Variants in AKAP6 observed in about 807,000 individuals in gnomAD.
AKAP6 encodes the protein A-kinase anchoring protein 6, also known as A-kinase anchor protein 6.
In AKAP6, 58 loss-of-function variants were observed where a neutral mutation model predicts 188.5. The ratio of observed to expected loss-of-function variants is 0.31; its 90% CI spans 0.25 to 0.38. The LOEUF (loss-of-function observed/expected upper bound fraction) is 0.38, where lower values mean the gene tolerates loss of function less well. AKAP6 is among the 10% of genes least tolerant of loss of function. The pLI is 1.00. For missense variants in AKAP6, 2,710 were observed against 2,740.0 expected, an observed-to-expected ratio of 0.99 and a Z score of 0.24; for synonymous variants, 989 against 998.6, an observed-to-expected ratio of 0.99 and a Z score of 0.18.
At chr14:32,488,561 C>G (rs976482589) in intron 2 of AKAP6, among the ~76,000 whole-genome samples, 4 of 152,118 alleles carry the variant, frequency 2.6e-5, no homozygotes, top group African/African-American at 7.2e-5. Flanking sequence ...ACTGGGGTTC[C>G]AGGCACCACT....
chr14:32,342,526 C>A (rs1386247133), intron 1 of AKAP6, among the ~76,000 whole-genome samples: 1 of 152,160 alleles, frequency 6.6e-6, no homozygotes, highest in Non-Finnish European at 1.5e-5. Context: ...TCCTGCCTTC[C>A]CTTTCTCTAA....
At chr14:32,423,875 T>C (rs1209164962) in intron 1 of AKAP6, among the ~76,000 whole-genome samples, 1 of 152,192 alleles carries the variant, frequency 6.6e-6, no homozygotes, top group East Asian at 1.9e-4. Context: ...TCTATAATGC[T>C]AAGATTGTGA....
chr14:32,369,639 C>T (rs1887945180), intron 1 of AKAP6, among the ~76,000 whole-genome samples: 1 of 152,188 alleles, frequency 6.6e-6, no homozygotes, highest in Non-Finnish European at 1.5e-5. Flanking sequence ...TTTTCCTCAA[C>T]AGGTGAGGGA....
intron 2 of AKAP6, among the ~76,000 whole-genome samples, chr14:32,510,441 TATATATATAC>T (rs1467637701): frequency 0.12 from 3,362 of 27,070 alleles, 188 homozygotes; most frequent in African/African-American, 0.27. Context: ...TATATGTGTA[TATATATATAC>T]ATATATATGT....
At chr14:32,422,001 C>G (rs529920410) in intron 1 of AKAP6, among the ~76,000 whole-genome samples, 36 of 152,272 alleles carry the variant, frequency 2.4e-4, no homozygotes, top group African/African-American at 8.7e-4. Flanking sequence ...TCCAGAGACC[C>G]TGTGATTCAT....
intron 7 of AKAP6, among the ~76,000 whole-genome samples, chr14:32,607,722 A>G (rs1310554922): frequency 6.6e-6 from 1 of 152,182 alleles, no homozygotes; most frequent in Non-Finnish European, 1.5e-5. Flanking sequence ...TTGAAATGGA[A>G]TGGGGTTCTT....
At chr14:32,545,105 C>T (rs1465113724) in intron 3 of AKAP6, 125 bp from the exon 4 acceptor site, 8 of 873,670 alleles carry the variant, frequency 9.2e-6, no homozygotes, top group East Asian at 5.1e-5. Context: ...GTATGTCAAA[C>T]CACAAGCAAT....
chr14:32,331,513 CTCTTTTT>C (rs1192251645), intron 1 of AKAP6, among the ~76,000 whole-genome samples: 53 of 152,168 alleles, frequency 3.5e-4, no homozygotes, highest in African/African-American at 1.2e-3. Context: ...TGCTTTTGTG[CTCTTTTT>C]GCTCCAGGAG....
chr14:32,626,895 C>CTT (rs535688824), intron 7 of AKAP6, among the ~76,000 whole-genome samples: 104 of 152,264 alleles, frequency 6.8e-4, no homozygotes, highest in Non-Finnish European at 1.1e-3. Context: ...GTGCCTCACA[C>CTT]AACATGTAAT....
chr14:32,376,400 A>G (rs1888158355), intron 1 of AKAP6, among the ~76,000 whole-genome samples: 1 of 152,172 alleles, frequency 6.6e-6, no homozygotes. Context: ...CAATATCATT[A>G]TTTGTGCCCT....
chr14:32,766,613 T>G (rs747596025), intron 11 of AKAP6, among the ~76,000 whole-genome samples: 7 of 152,196 alleles, frequency 4.6e-5, no homozygotes, highest in Admixed American at 2.0e-4. Flanking sequence ...TGAGCCTTTT[T>G]TCATATTTTT....
At chr14:32,467,119 G>C (rs35901369) in intron 2 of AKAP6, among the ~76,000 whole-genome samples, 1 of 149,538 alleles carries the variant, frequency 6.7e-6, no homozygotes, top group African/African-American at 2.5e-5. Context: ...CCTCGGTGAC[G>C]AGACAATTTT....
At chr14:32,565,769 G>T (rs780844259) in intron 4 of AKAP6, among the ~76,000 whole-genome samples, 1 of 152,286 alleles carries the variant, frequency 6.6e-6, no homozygotes, top group East Asian at 1.9e-4. Context: ...TAAGTGTTTC[G>T]TATTTGTCTT....
chr14:32,615,846 G>T (rs1027323310), intron 7 of AKAP6, among the ~76,000 whole-genome samples: 1 of 151,844 alleles, frequency 6.6e-6, no homozygotes, highest in African/African-American at 2.4e-5. Flanking sequence ...CGCCCACCTC[G>T]GCCTCCCAAA....
At chr14:32,587,683 C>T (rs1039360745) in intron 5 of AKAP6, among the ~76,000 whole-genome samples, 12 of 152,174 alleles carry the variant, frequency 7.9e-5, no homozygotes, top group Non-Finnish European at 1.8e-4. Flanking sequence ...TCACTCTTTT[C>T]TAGTCAGAAA....
intron 1 of AKAP6, among the ~76,000 whole-genome samples, chr14:32,414,902 T>C (rs1342107373): frequency 1.3e-5 from 2 of 152,180 alleles, no homozygotes; most frequent in Non-Finnish European, 2.9e-5. Context: ...TTGCCTTTGT[T>C]CCAATAACTA....
chr14:32,692,668 T>C lies in AKAP6; in HGVS notation c.2880-3322T>C, dbSNP rs1890231249. 3.9e-5 allele frequency among the ~76,000 whole-genome samples: 6 copies of C among 152,294 alleles called. No individual in the cohort carries two copies. The South Asian group carries it at 1.2e-3, about 32-fold the overall frequency. On this transcript the variant is annotated intron_variant, in intron 8 of 13. Transcript: ENST00000280979. ...GTCATTCTTGCCCCACTGAAGGTTT[T>C]TGTTTTCTTTATCTAGATTCATTTA...
At chr14:32,572,076 G>A (rs1364714835) in intron 4 of AKAP6, among the ~76,000 whole-genome samples, 1 of 152,150 alleles carries the variant, frequency 6.6e-6, no homozygotes, top group Non-Finnish European at 1.5e-5. Context: ...CTTTAAAACT[G>A]GGAATAAATG....
At chr14:32,750,355 A>G (rs1233211139) in intron 11 of AKAP6, among the ~76,000 whole-genome samples, 2 of 151,982 alleles carry the variant, frequency 1.3e-5, no homozygotes, top group African/African-American at 2.4e-5. Context: ...TTTAGGTTTT[A>G]TGATTATTTT....
Sources: gnomAD v4.1 joint callset for allele counts (sites outside exome capture counted in the v4.1 genomes callset) on GRCh38, gnomAD v4.1.1 for gene constraint, MANE v1.5 for transcripts, NCBI Gene and HGNC (gene_info 2026-07-23, HGNC 2026-07-21) for gene names.